Variants in SLC22A24 observed in about 807,000 individuals in gnomAD.
The protein encoded by SLC22A24 is solute carrier family 22 member 24, also known as steroid transmembrane transporter SLC22A24.
Under a neutral mutation model 49.8 loss-of-function variants are expected in SLC22A24, and 53 were observed. The observed-to-expected ratio is 1.06, with a 90% CI of 0.85 to 1.34. SLC22A24 has a LOEUF of 1.34. SLC22A24 is among the 40% of genes most tolerant of loss of function. SLC22A24 has a pLI of 0.00. For missense variants in SLC22A24, 786 were observed against 675.9 expected (o/e 1.16, Z -1.81); for synonymous variants, 302 against 256.4 (o/e 1.18, Z -1.70).
chr11:63,090,812 C>T (rs2087016074), intron 6 of SLC22A24, among the ~76,000 whole-genome samples: 1 of 151,936 alleles, frequency 6.6e-6, no homozygotes, highest in African/African-American at 2.4e-5. Context: ...GCCCTGAATG[C>T]CTACCACAGA....
intron 1 of SLC22A24, among the ~76,000 whole-genome samples, chr11:63,142,294 G>A (rs574497074): frequency 2.5e-4 from 38 of 152,126 alleles, no homozygotes; most frequent in South Asian, 1.0e-3. Context: ...GCCTTTTCCC[G>A]TCTTCATAGC....
intron 2 of SLC22A24, among the ~76,000 whole-genome samples, chr11:63,120,669 A>G (rs1326330152): frequency 6.6e-6 from 1 of 152,118 alleles, no homozygotes; most frequent in Non-Finnish European, 1.5e-5. Flanking sequence ...ACCAAATTAC[A>G]TGAGTTGATA....
At chr11:63,107,670 T>C (rs1372180826) in intron 4 of SLC22A24, among the ~76,000 whole-genome samples, 1 of 152,178 alleles carries the variant, frequency 6.6e-6, no homozygotes, top group Non-Finnish European at 1.5e-5. Flanking sequence ...GTTGGATTCC[T>C]AGGTATTTTA....
intron 2 of SLC22A24, among the ~76,000 whole-genome samples, chr11:63,124,027 G>T (rs906598522): frequency 4.6e-5 from 7 of 152,146 alleles, no homozygotes; most frequent in African/African-American, 1.4e-4. Context: ...AGAGATCTTT[G>T]AGGGGGTGAA....
chr11:63,140,540 A>G (rs944515382), intron 1 of SLC22A24, among the ~76,000 whole-genome samples: 3 of 152,210 alleles, frequency 2.0e-5, no homozygotes, highest in Middle Eastern at 3.2e-3. Context: ...GGAGCATTAG[A>G]TTATAGATGA....
intron 2 of SLC22A24, among the ~76,000 whole-genome samples, chr11:63,125,322 G>C (rs1334781371): frequency 2.0e-5 from 3 of 151,852 alleles, no homozygotes; most frequent in Non-Finnish European, 2.9e-5. Context: ...TGCACTCCAC[G>C]ACAGGCCCTG....
At chr11:63,094,107 C>T (rs191916620) in intron 6 of SLC22A24, among the ~76,000 whole-genome samples, 2 of 151,526 alleles carry the variant, frequency 1.3e-5, no homozygotes, top group Non-Finnish European at 2.9e-5. Context: ...TATCATTTAG[C>T]ATTAGGTATA....
intron 8 of SLC22A24, among the ~76,000 whole-genome samples, 172 bp downstream of exon 8, chr11:63,081,386 C>T (rs1361319930): frequency 6.6e-6 from 1 of 152,196 alleles, no homozygotes; most frequent in Non-Finnish European, 1.5e-5. Context: ...CAATAACCCG[C>T]AGCTTTGATA....
intron 8 of SLC22A24, among the ~76,000 whole-genome samples, 198 bp from the exon 9 acceptor site, chr11:63,081,321 C>A (rs1284052651): frequency 6.6e-6 from 1 of 152,104 alleles, no homozygotes; most frequent in African/African-American, 2.4e-5. Flanking sequence ...CTGCTCTTAA[C>A]CTTAGTTTCA....
At chr11:63,104,004 A>G in intron 5 of SLC22A24, 171 bp downstream of exon 5, 1 of 581,942 alleles carries the variant, frequency 1.7e-6, no homozygotes, top group East Asian at 3.1e-5. Context: ...ATATTTCAAT[A>G]TCTATATCCA....
chr11:63,121,966 A>G (rs1477555414), intron 2 of SLC22A24, among the ~76,000 whole-genome samples: 1 of 152,206 alleles, frequency 6.6e-6, no homozygotes, highest in Non-Finnish European at 1.5e-5. Flanking sequence ...ATGGTGAAAG[A>G]TGGGAATAGA....
intron 1 of SLC22A24, among the ~76,000 whole-genome samples, chr11:63,140,075 G>GTTTTTTTT (rs1554964301): frequency 1.3e-4 from 11 of 85,708 alleles, no homozygotes; most frequent in African/African-American, 2.2e-4. Flanking sequence ...TTGTTTTTTT[G>GTTTTTTTT]TTTTTTTTTT....
intron 2 of SLC22A24, among the ~76,000 whole-genome samples, chr11:63,120,648 A>G (rs1162298693): frequency 6.6e-6 from 1 of 152,030 alleles, no homozygotes; most frequent in African/African-American, 2.4e-5. Flanking sequence ...CCCTTTCTAG[A>G]GTTAACTTTG....
At chr11:63,119,732 G>T (rs2087238081) in intron 2 of SLC22A24, among the ~76,000 whole-genome samples, 1 of 152,166 alleles carries the variant, frequency 6.6e-6, no homozygotes, top group Admixed American at 6.5e-5. Context: ...TTGGGTCTCT[G>T]CACTGTCCAG....
At chr11:63,105,402 G>A (rs1347675834) in intron 4 of SLC22A24, among the ~76,000 whole-genome samples, 1 of 150,786 alleles carries the variant, frequency 6.6e-6, no homozygotes, top group Non-Finnish European at 1.5e-5. Context: ...GTTTTCATGA[G>A]GGTCCTGCCC....
In SLC22A24 at chr11:63,143,589, G is replaced by T. The variant is rs769230112; in HGVS notation, c.191C>A (p.Thr64Asn). ...LDNDTVSDND[T>N]GTLSKDDLLR... The stretch of plus-strand genomic sequence containing the variant: ...GAGGTCATCCTTGCTGAGGGTCCCG[G>T]TATCATTGTCAGACACAGTGTCATT... Residue 64 changes from threonine to asparagine, a missense_variant, in exon 1 of 10, where the codon ACC becomes AAC. Coordinates refer to ENST00000612278, the MANE Select transcript of SLC22A24 (RefSeq NM_001136506.2). 1.7e-5 allele frequency: 26 copies of T among 1,571,366 alleles called. No homozygotes were observed. The highest frequency in any genetic ancestry group is 1.2e-5 in the South Asian group (1 of 83,282).
chr11:63,121,144 G>C (rs1419514335), intron 2 of SLC22A24, among the ~76,000 whole-genome samples: 1 of 152,096 alleles, frequency 6.6e-6, no homozygotes, highest in African/African-American at 2.4e-5. Context: ...ATGAACTTTA[G>C]TAAATAATGT....
chr11:63,093,907 A>G (rs2087035922), intron 6 of SLC22A24, among the ~76,000 whole-genome samples: 2 of 152,090 alleles, frequency 1.3e-5, no homozygotes, highest in African/African-American at 2.4e-5. Flanking sequence ...CAGTCATTGG[A>G]ATTATGAACT....
chr11:63,130,757 T>C (rs2087328621), intron 2 of SLC22A24, among the ~76,000 whole-genome samples: 1 of 152,320 alleles, frequency 6.6e-6, no homozygotes, highest in Admixed American at 6.5e-5. Context: ...CTAGTTTATT[T>C]GTATAGAGGT....
Sources: allele counts gnomAD v4.1 joint callset (sites outside exome capture counted in the v4.1 genomes callset), GRCh38; gene constraint gnomAD v4.1.1; transcripts MANE v1.5; gene names NCBI Gene and HGNC (gene_info 2026-07-23, HGNC 2026-07-21).